TTC29: variants seen among roughly 807,000 people sequenced by gnomAD.
TTC29 encodes the protein tetratricopeptide repeat protein 29.
A neutral mutation model predicts 58.1 loss-of-function variants in TTC29; 49 were observed. The observed-to-expected ratio is 0.84, with a 90% confidence interval of 0.67 to 1.07. The LOEUF (loss-of-function observed/expected upper bound fraction) is 1.07. TTC29 is among the 50% of genes least tolerant of loss of function. The pLI, the probability that TTC29 is intolerant of heterozygous loss-of-function variation, is 0.00. For synonymous variants in TTC29, 209 were observed against 196.8 expected (o/e 1.06, Z -0.52); for missense variants, 582 against 555.6 (o/e 1.05, Z -0.48).
At chr4:146,771,224 T>C (rs1209373634) in intron 11 of TTC29, among the ~76,000 whole-genome samples, 1 of 152,106 alleles carries the variant, frequency 6.6e-6, no homozygotes, top group African/African-American at 2.4e-5. Context: ...GGTTAGGTTT[T>C]AGTCAAAGAC....
At chr4:146,855,297 G>A (rs1729770643) in intron 8 of TTC29, among the ~76,000 whole-genome samples, 1 of 152,144 alleles carries the variant, frequency 6.6e-6, no homozygotes, top group South Asian at 2.1e-4. Flanking sequence ...GCTGGGCATG[G>A]TGGTGCACGC....
intron 12 of TTC29, 129 bp downstream of exon 12, chr4:146,707,356 A>G (rs1742034572): frequency 2.6e-6 from 2 of 778,486 alleles, no homozygotes; most frequent in East Asian, 2.7e-5. Context: ...TTTTTAAAGC[A>G]GTGTTTCACT....
At chr4:146,728,669 T>TAC (rs1183862415) in intron 11 of TTC29, among the ~76,000 whole-genome samples, 7 of 148,210 alleles carry the variant, frequency 4.7e-5, no homozygotes, top group African/African-American at 1.7e-4. Flanking sequence ...TCTATATATA[T>TAC]ACACATATAT....
chr4:146,876,658 C>T (rs1731278151), intron 6 of TTC29, among the ~76,000 whole-genome samples: 1 of 152,116 alleles, frequency 6.6e-6, no homozygotes, highest in South Asian at 2.1e-4. Flanking sequence ...GTAGACAGGC[C>T]AGGCACAGTG....
rs61184684 is a variant in TTC29 at position 146,943,169 on chromosome 4, CTTTTTTTT to C, written c.-7+1854_-7+1861del. Among the ~76,000 whole-genome samples the C allele has an allele frequency of 2.4e-4, 14 of 59,492 alleles. No homozygotes were observed. In the South Asian group the frequency reaches 3.6e-3, roughly 15 times the overall value. 39.0% of individuals were successfully genotyped at this position (59,492 alleles called of 152,430 possible). A position where few individuals can be genotyped will look rare whatever the true frequency, so the allele number is the denominator to read the frequency against. ...TTCTTTGTCATACAGATCAACTGTG[CTTTTTTTT>C]TTTTTTTTTTTTTTTTTTTTCAAAA... On this transcript the variant is annotated intron_variant, in intron 2 of 12. Coordinates refer to ENST00000325106, the MANE Select transcript of TTC29 (RefSeq NM_031956.4).
intron 11 of TTC29, among the ~76,000 whole-genome samples, chr4:146,753,121 A>G (rs199920815): frequency 1.3e-5 from 2 of 150,592 alleles, no homozygotes; most frequent in Non-Finnish European, 1.5e-5. Flanking sequence ...GGCAACCTAC[A>G]GAATGGGAGA....
chr4:146,786,490 T>G (rs866240860), intron 11 of TTC29, among the ~76,000 whole-genome samples: 178 of 152,336 alleles, frequency 1.2e-3, no homozygotes, highest in African/African-American at 4.0e-3. Flanking sequence ...GTGACCAGAA[T>G]GATTTCCAGA....
chr4:146,761,482 CA>C (rs1254312994), intron 11 of TTC29, among the ~76,000 whole-genome samples: 1 of 151,836 alleles, frequency 6.6e-6, no homozygotes, highest in Non-Finnish European at 1.5e-5. Flanking sequence ...TTTTCTAGAA[CA>C]AATATATTCA....
At chr4:146,774,109 G>A (rs1292224099) in intron 11 of TTC29, among the ~76,000 whole-genome samples, 1 of 151,658 alleles carries the variant, frequency 6.6e-6, no homozygotes, top group African/African-American at 2.4e-5. Flanking sequence ...TTCTGATTGT[G>A]TTCCTTTGGA....
chr4:146,910,628 T>C (rs1733834336), intron 4 of TTC29, among the ~76,000 whole-genome samples: 3 of 152,044 alleles, frequency 2.0e-5, no homozygotes, highest in South Asian at 2.1e-4. Context: ...GGTAGAGCTA[T>C]TGGAGATCAG....
At chr4:146,904,032 G>A (rs1390123200) in intron 5 of TTC29, among the ~76,000 whole-genome samples, 2 of 152,168 alleles carry the variant, frequency 1.3e-5, no homozygotes, top group Non-Finnish European at 2.9e-5. Flanking sequence ...ATACCTACTA[G>A]CAACATGCTG....
At chr4:146,871,168 G>A in intron 7 of TTC29, among the ~76,000 whole-genome samples, 1 of 151,832 alleles carries the variant, frequency 6.6e-6, no homozygotes, top group Admixed American at 6.6e-5. Context: ...AGCGATGCAA[G>A]GTTGGTTCAA....
chr4:146,870,455 T>G (rs537923013), intron 7 of TTC29, among the ~76,000 whole-genome samples: 1 of 151,140 alleles, frequency 6.6e-6, no homozygotes, highest in Non-Finnish European at 1.5e-5. Context: ...ACAACTACAC[T>G]CAAATCAAAC....
chr4:146,909,786 T>C (rs770203273), intron 4 of TTC29, among the ~76,000 whole-genome samples: 3 of 152,178 alleles, frequency 2.0e-5, no homozygotes, highest in Non-Finnish European at 4.4e-5. Flanking sequence ...AATTATATTC[T>C]CACTTCAATA....
chr4:146,932,781 G>T (rs977539220), intron 4 of TTC29, among the ~76,000 whole-genome samples: 3 of 152,142 alleles, frequency 2.0e-5, no homozygotes, highest in Admixed American at 6.5e-5. Context: ...AGTAGGCCAG[G>T]CGCGGTGGTT....
intron 9 of TTC29, among the ~76,000 whole-genome samples, chr4:146,827,901 A>G (rs1304249631): frequency 1.3e-5 from 2 of 152,226 alleles, no homozygotes; most frequent in Admixed American, 1.3e-4. Flanking sequence ...ATTTTAATGT[A>G]TGCTCTGCAA....
intron 8 of TTC29, among the ~76,000 whole-genome samples, chr4:146,834,655 C>T (rs772911735): frequency 1.1e-4 from 17 of 152,150 alleles, no homozygotes; most frequent in Non-Finnish European, 1.9e-4. Flanking sequence ...CTCCAAAGAC[C>T]TCTATGGAAA....
intron 8 of TTC29, among the ~76,000 whole-genome samples, chr4:146,844,254 T>C (rs891312091): frequency 6.6e-6 from 1 of 152,140 alleles, no homozygotes; most frequent in Non-Finnish European, 1.5e-5. Flanking sequence ...CTCTGAAACC[T>C]CAAAGTAATG....
chr4:146,746,706 C>G (rs901955300), intron 11 of TTC29, among the ~76,000 whole-genome samples: 1 of 152,098 alleles, frequency 6.6e-6, no homozygotes, highest in South Asian at 2.1e-4. Context: ...TTGTAGGGAA[C>G]AGTTCCTCAC....
Sources: allele counts gnomAD v4.1 joint callset (sites outside exome capture counted in the v4.1 genomes callset), GRCh38; gene constraint gnomAD v4.1.1; transcripts MANE v1.5; gene names NCBI Gene and HGNC (gene_info 2026-07-23, HGNC 2026-07-21).